HPSE2: variants seen among roughly 807,000 people sequenced by gnomAD.
HPSE2 encodes the protein heparanase 2 (inactive), also known as inactive heparanase-2.
In HPSE2, 38 loss-of-function variants were observed where a neutral mutation model predicts 60.5. The ratio of observed to expected loss-of-function variants is 0.63; its 90% CI spans 0.48 to 0.82. HPSE2 has a LOEUF of 0.82. HPSE2 is among the 40% of genes least tolerant of loss of function. The pLI is 0.00. For missense variants in HPSE2, 713 were observed against 740.4 expected (o/e 0.96, Z 0.43); for synonymous variants, 295 against 293.2 (o/e 1.01, Z -0.06).
In HPSE2 at chr10:98,988,248, T is replaced by A. The variant is rs549695244; in HGVS notation, c.610+155990A>T. 2.6e-4 allele frequency among the ~76,000 whole-genome samples: 40 copies of A among 152,180 alleles called. No individual in the cohort carries two copies. The East Asian group carries it at 7.4e-3, about 28-fold the overall frequency. On this transcript the variant is annotated intron_variant, in intron 3 of 11. Coordinates refer to ENST00000370552, the MANE Select transcript of HPSE2 (RefSeq NM_021828.5). The stretch of plus-strand genomic sequence containing the variant: ...CATGCTACCTGACTTCAAACTATAC[T>A]ACAAGGCTACAGTAACCAAAACAGC...
chr10:98,478,017 A>G (rs1480911995), intron 11 of HPSE2, among the ~76,000 whole-genome samples: 2 of 152,240 alleles, frequency 1.3e-5, no homozygotes, highest in African/African-American at 4.8e-5. Flanking sequence ...CAGTCTGTGG[A>G]AAAACTGTCT....
At chr10:98,535,860 CA>C (rs1473799595) in intron 9 of HPSE2, among the ~76,000 whole-genome samples, 1 of 152,140 alleles carries the variant, frequency 6.6e-6, no homozygotes, top group African/African-American at 2.4e-5. Flanking sequence ...CAGCACATAT[CA>C]AGGCTTCCCA....
At chr10:99,169,037 C>T (rs1356154714) in intron 2 of HPSE2, among the ~76,000 whole-genome samples, 1 of 150,174 alleles carries the variant, frequency 6.7e-6, no homozygotes, top group African/African-American at 2.5e-5. Context: ...TAAAAAAATA[C>T]AAAAAATTAG....
chr10:99,082,687 C>T (rs1255190843), intron 3 of HPSE2, among the ~76,000 whole-genome samples: 1 of 152,026 alleles, frequency 6.6e-6, no homozygotes, highest in Non-Finnish European at 1.5e-5. Flanking sequence ...ATTTATAATG[C>T]CTAGCACGTA....
intron 3 of HPSE2, among the ~76,000 whole-genome samples, chr10:99,074,217 G>A (rs1366898018): frequency 6.6e-6 from 1 of 151,976 alleles, no homozygotes; most frequent in Admixed American, 6.6e-5. Flanking sequence ...ATTATGTTGA[G>A]GTAATGTCCT....
intron 4 of HPSE2, among the ~76,000 whole-genome samples, chr10:98,736,875 C>T (rs1482028193): frequency 6.6e-6 from 1 of 152,162 alleles, no homozygotes; most frequent in Non-Finnish European, 1.5e-5. Flanking sequence ...CCATTTCACA[C>T]TTGGCATATT....
At chr10:99,017,762 C>T (rs1304591315) in intron 3 of HPSE2, among the ~76,000 whole-genome samples, 2 of 152,226 alleles carry the variant, frequency 1.3e-5, no homozygotes, top group African/African-American at 4.8e-5. Context: ...AAGAATAATG[C>T]TCTTTCTTCA....
intron 3 of HPSE2, among the ~76,000 whole-genome samples, chr10:99,103,409 A>G (rs957527716): frequency 2.0e-5 from 3 of 152,176 alleles, no homozygotes; most frequent in African/African-American, 7.2e-5. Context: ...TAAAATACCT[A>G]GGAATCCAAC....
chr10:98,469,169 A>C (rs2133600857), intron 11 of HPSE2, among the ~76,000 whole-genome samples: 1 of 152,288 alleles, frequency 6.6e-6, no homozygotes, highest in Non-Finnish European at 1.5e-5. Flanking sequence ...AATGGCTTAA[A>C]ATAATTTAGC....
chr10:98,488,507 G>A (rs543878665), intron 10 of HPSE2, among the ~76,000 whole-genome samples: 6 of 152,266 alleles, frequency 3.9e-5, no homozygotes, highest in South Asian at 2.1e-4. Context: ...ATGAACACTC[G>A]AGATCACGTG....
At chr10:98,588,520 A>G (rs560788703) in intron 9 of HPSE2, among the ~76,000 whole-genome samples, 1 of 152,246 alleles carries the variant, frequency 6.6e-6, no homozygotes, top group South Asian at 2.1e-4. Context: ...GCTTTCCTGC[A>G]GGAGATCCAC....
At chr10:99,028,123 T>A (rs903349037) in intron 3 of HPSE2, among the ~76,000 whole-genome samples, 1 of 152,180 alleles carries the variant, frequency 6.6e-6, no homozygotes, top group Non-Finnish European at 1.5e-5. Context: ...CCACTGTTAT[T>A]AAACATAGTA....
chr10:99,056,928 C>T (rs1187731708), intron 3 of HPSE2, among the ~76,000 whole-genome samples: 1 of 152,086 alleles, frequency 6.6e-6, no homozygotes, highest in East Asian at 1.9e-4. Flanking sequence ...ACTACTGATA[C>T]ATACAGCAAA....
chr10:99,308,009 T>C, the HPSE2 span, among the ~76,000 whole-genome samples: 2 of 152,264 alleles, frequency 1.3e-5, no homozygotes, highest in African/African-American at 4.8e-5. Context: ...CTCCTATGTA[T>C]ACACACAAGA....
intron 3 of HPSE2, among the ~76,000 whole-genome samples, chr10:98,922,018 T>G (rs764889185): frequency 9.2e-5 from 14 of 152,314 alleles, no homozygotes; most frequent in Admixed American, 1.3e-4. Flanking sequence ...CAAATGCAAG[T>G]TACATTTAAA....
chr10:99,127,029 T>C (rs990959719), intron 3 of HPSE2, among the ~76,000 whole-genome samples: 3 of 152,084 alleles, frequency 2.0e-5, no homozygotes, highest in Admixed American at 2.0e-4. Flanking sequence ...CCCTCTGACA[T>C]AGTCTACCCA....
intron 3 of HPSE2, among the ~76,000 whole-genome samples, chr10:99,071,622 T>A (rs1277547971): frequency 6.6e-6 from 1 of 152,262 alleles, no homozygotes; most frequent in East Asian, 1.9e-4. Context: ...TTTGGTGTCA[T>A]ATCCAAGAAA....
At chr10:99,191,110 G>T (rs1386178249) in intron 2 of HPSE2, among the ~76,000 whole-genome samples, 1 of 152,044 alleles carries the variant, frequency 6.6e-6, no homozygotes, top group Non-Finnish European at 1.5e-5. Flanking sequence ...AGCAGCAGTG[G>T]AATAGAGTAC....
chr10:98,951,626 C>T (rs1245842749), intron 3 of HPSE2, among the ~76,000 whole-genome samples: 1 of 152,164 alleles, frequency 6.6e-6, no homozygotes, highest in Non-Finnish European at 1.5e-5. Flanking sequence ...AGTGGCTTTA[C>T]TGGAAAATGG....
Sources: allele counts gnomAD v4.1 joint callset (sites outside exome capture counted in the v4.1 genomes callset), GRCh38; gene constraint gnomAD v4.1.1; transcripts MANE v1.5; gene names NCBI Gene and HGNC (gene_info 2026-07-23, HGNC 2026-07-21).